PLRG1: variants seen among roughly 807,000 people sequenced by gnomAD.
PLRG1 encodes pleiotropic regulator 1, also known as pleiotropic regulator 1 (PRL1 homolog, Arabidopsis).
A neutral mutation model predicts 74.9 loss-of-function variants in PLRG1; 28 were observed. That is an observed-to-expected ratio of 0.37 (90% confidence interval 0.28 to 0.51). The LOEUF is 0.51. PLRG1 is among the 20% of genes least tolerant of loss of function. PLRG1 has a pLI of 0.91. For missense variants in PLRG1, 445 were observed against 631.9 expected, an observed-to-expected ratio of 0.70 and a Z score of 3.17; for synonymous variants, 197 against 212.4, an observed-to-expected ratio of 0.93 and a Z score of 0.63.
chr4:154,541,890 C>A, intron 8 of PLRG1: 1 of 321,922 alleles, frequency 3.1e-6, no homozygotes. Flanking sequence ...CTATATTTTC[C>A]ACATTTTCTA....
intron 8 of PLRG1, 81 bp from the exon 9 acceptor site, chr4:154,541,015 G>C (rs1729547024): frequency 2.8e-6 from 3 of 1,057,834 alleles, no homozygotes; most frequent in Admixed American, 5.6e-5. Context: ...TTAAAACTGA[G>C]CTTTCAAAGA....
chr4:154,545,731 T>C, intron 6 of PLRG1, 105 bp downstream of exon 6: 1 of 626,548 alleles, frequency 1.6e-6, no homozygotes, highest in Non-Finnish European at 2.8e-6. Flanking sequence ...GAAATATGAA[T>C]GACTAGCTCA....
intron 7 of PLRG1, chr4:154,543,940 T>C (rs946464245): frequency 6.5e-6 from 1 of 153,306 alleles, no homozygotes; most frequent in East Asian, 1.9e-4. Context: ...ATAAACAGTA[T>C]GGAACACTTC....
In PLRG1 at chr4:154,535,093, A is replaced by G. The variant is rs1729420906; in HGVS notation, c.*1592T>C. On this transcript the variant is annotated 3_prime_UTR_variant, in exon 15 of 15. Coordinates refer to ENST00000499023, the MANE Select transcript of PLRG1 (RefSeq NM_002669.4). ...AGAAATATGTAAAGCCACCCATGAAAGTTCTTCCATAATTCTGCTTCCTAA... is the reference window on the plus strand; with the variant it reads ...AGAAATATGTAAAGCCACCCATGAAGGTTCTTCCATAATTCTGCTTCCTAA... The G allele has an allele frequency of 6.6e-6, 1 of 152,118 alleles. No homozygotes were observed. The highest frequency in any genetic ancestry group is 6.6e-5 in the Admixed American group (1 of 15,254). 9.4% of individuals were successfully genotyped at this position (152,118 alleles called of 1,614,324 possible).
intron 11 of PLRG1, 116 bp downstream of exon 11, chr4:154,539,835 C>T (rs1347280425): frequency 7.2e-6 from 5 of 695,896 alleles, no homozygotes; most frequent in Non-Finnish European, 1.0e-5. Context: ...AAATATGACA[C>T]AGAAACACTG....
At chr4:154,543,224 T>C (rs1729587078) in intron 7 of PLRG1, among the ~76,000 whole-genome samples, 2 of 152,182 alleles carry the variant, frequency 1.3e-5, no homozygotes, top group Non-Finnish European at 2.9e-5. Context: ...CTTGGCTCAC[T>C]GCAACCTCCG....
In PLRG1 at chr4:154,547,611, C is replaced by G. The variant is rs113198634; in HGVS notation, c.259+100G>C. 1.6e-4 allele frequency: 167 copies of G among 1,057,336 alleles called. No individual in the cohort carries two copies. In the African/African-American group the frequency reaches 2.3e-3, roughly 15 times the overall value. 65.5% of individuals were successfully genotyped at this position (1,057,336 alleles called of 1,614,324 possible). ...GTACGGCCATTAAATACTGTACGACCACAATAAGTCCTGCCAGGAGGGGCA... is the reference window on the plus strand; with the variant it reads ...GTACGGCCATTAAATACTGTACGACGACAATAAGTCCTGCCAGGAGGGGCA... On this transcript the variant is annotated intron_variant, in intron 3 of 14. Transcript: ENST00000499023.
At chr4:154,548,714 T>G (rs554465669) in intron 2 of PLRG1, 115 bp downstream of exon 2, 1 of 620,354 alleles carries the variant, frequency 1.6e-6, no homozygotes, top group Non-Finnish European at 2.9e-6. Flanking sequence ...CCACTCATTA[T>G]TGAATAATTA....
chr4:154,540,148 T>C (rs2111102166), intron 10 of PLRG1, 95 bp from the exon 11 acceptor site: 1 of 724,496 alleles, frequency 1.4e-6, no homozygotes, highest in East Asian at 2.5e-5. Flanking sequence ...ATTTACTACA[T>C]AACTAGTGCC....
rs1051638809 is a variant in PLRG1, at chr4:154,542,349, C to T, written c.595-70G>A. Reference sequence around the variant, plus strand: ...AATGTATTTAAGTTTAACTGCAGCCCGAGTTTGAATTGCCCTCCCATCTTC... The same window carrying T: ...AATGTATTTAAGTTTAACTGCAGCCTGAGTTTGAATTGCCCTCCCATCTTC... On this transcript the variant is annotated intron_variant, in intron 7 of 14. Transcript: ENST00000499023. The T allele has an allele frequency of 2.3e-5, 21 of 904,468 alleles. No homozygotes were observed. The African/African-American group carries it at 3.0e-4, about 13-fold the overall frequency. The allele number at this position is 904,468 out of a possible 1,614,324, so 56.0% of individuals were successfully genotyped here.
chr4:154,536,768 A>T, intron 14 of PLRG1, 24 bp from the exon 15 acceptor site: 2 of 1,310,412 alleles, frequency 1.5e-6, no homozygotes, highest in Non-Finnish European at 2.1e-6. Context: ...AGTGAGTTAA[A>T]ATAAAGTATT....
intron 7 of PLRG1, among the ~76,000 whole-genome samples, chr4:154,543,136 C>T (rs1040585668): frequency 2.0e-5 from 3 of 152,092 alleles, no homozygotes; most frequent in Admixed American, 6.6e-5. Context: ...GATCATTACA[C>T]ACTGTATGTT....
rs1578765185 is a variant in PLRG1, at chr4:154,537,201, A to AT, written c.1485+84dup. On this transcript the variant is annotated intron_variant, in intron 14 of 14. Transcript: ENST00000499023. ...AGATATCTTAAATACTATAAAGATT[A>AT]TTTTTCCTTCTGATAATTAAATGAG... The AT allele has an allele frequency of 6.4e-6, 5 of 775,910 alleles. No individual in the cohort carries two copies. In the East Asian group the frequency reaches 1.3e-4, roughly 21 times the overall value. The allele number at this position is 775,910 out of a possible 1,614,324, so 48.1% of individuals were successfully genotyped here.
chr4:154,539,431 G>C (rs1017375448), intron 11 of PLRG1, among the ~76,000 whole-genome samples: 7 of 151,880 alleles, frequency 4.6e-5, no homozygotes, highest in African/African-American at 1.5e-4. Context: ...ACTGTCAATT[G>C]AACAGCTAAA....
chr4:154,549,514 T>G, intron 1 of PLRG1: 4 of 369,974 alleles, frequency 1.1e-5, no homozygotes, highest in South Asian at 8.2e-5. Flanking sequence ...TACAGCTGTG[T>G]ATGGAGGATG....
intron 3 of PLRG1, 87 bp downstream of exon 3, chr4:154,547,624 G>A (rs1472195669): frequency 2.4e-6 from 3 of 1,245,534 alleles, no homozygotes; most frequent in East Asian, 4.7e-5. Context: ...AATAAGTCCT[G>A]CCAGGAGGGG....
chr4:154,539,673 T>A (rs953104507), intron 11 of PLRG1, among the ~76,000 whole-genome samples: 3 of 152,002 alleles, frequency 2.0e-5, no homozygotes, highest in African/African-American at 4.8e-5. Context: ...AAAATAATTT[T>A]GACACTATAA....
At chr4:154,546,323 G>A in intron 4 of PLRG1, 110 bp from the exon 5 acceptor site, 5 of 636,322 alleles carry the variant, frequency 7.9e-6, no homozygotes, top group Non-Finnish European at 1.1e-5. Flanking sequence ...TTATCTCCAG[G>A]CAGTGATATT....
chr4:154,537,466 G>A lies in PLRG1; in HGVS notation c.1305C>T (p.Thr435=). ...GVLVSGADNG[T]MHLWDWRTGY... ...CAGTTCTCCAGTCCCAAAGATGCAT[G>A]GTGCCATTGTCAGCTTAAAGGGAAA... The change falls in exon 14 of 15, where the codon ACC becomes ACT. Residue 435 remains threonine, a synonymous_variant. Coordinates refer to ENST00000499023, the MANE Select transcript of PLRG1 (RefSeq NM_002669.4). 1.2e-6 allele frequency: 2 copies of A among 1,612,746 alleles called. No homozygotes were observed. The highest frequency in any genetic ancestry group is 1.7e-6 in the Non-Finnish European group (2 of 1,179,094).
Sources: allele counts gnomAD v4.1 joint callset (sites outside exome capture counted in the v4.1 genomes callset), GRCh38; gene constraint gnomAD v4.1.1; transcripts MANE v1.5; gene names NCBI Gene and HGNC (gene_info 2026-07-23, HGNC 2026-07-21).